The following CATSPERG variants were observed in gnomAD, a reference collection of about 807,000 sequenced individuals.
CATSPERG encodes the protein catsper channel auxiliary subunit gamma.
CATSPERG carries 115 observed loss-of-function variants against 145.0 expected under a neutral mutation model. The observed-to-expected ratio is 0.79, with a 90% CI of 0.68 to 0.93. The LOEUF (loss-of-function observed/expected upper bound fraction) is 0.93. Ranked by LOEUF, CATSPERG falls within the 40% of genes least tolerant of loss-of-function variation. The pLI is 0.00. For synonymous variants in CATSPERG, 588 were observed against 589.0 expected, an observed-to-expected ratio of 1.00 and a Z score of 0.02; for missense variants, 1,296 against 1,490.1, an observed-to-expected ratio of 0.87 and a Z score of 2.14.
Position 38,370,002 on chromosome 19 carries a change from T to C in CATSPERG, c.3051T>C (p.Tyr1017=). The change falls in exon 27 of 29, where the codon TAT becomes TAC. Residue 1017 remains tyrosine (Y), a synonymous_variant. Transcript: ENST00000409235. ...TCTGTCTGGAGAATGCCCCATGCTA[T>C]GACAATGTTCCCCAAGGCATCTTTG... ...EWLCLENAPC[Y]DNVPQGIFAP... 6.2e-7 allele frequency: 1 copy of C among 1,614,246 alleles called. No homozygotes were observed. Among genetic ancestry groups the C allele is most frequent in the African/African-American group, 1.3e-5 (1 of 75,068 alleles).
rs370488679 is a variant in CATSPERG at position 38,337,305 on chromosome 19, C to T, written c.71C>T (p.Ala24Val). The change falls in exon 2 of 29, where the codon GCC (alanine) becomes GTC (valine). Residue 24 changes from alanine (A) to valine (V), a missense_variant. Transcript: ENST00000409235. ...PRVRVVQVLW[A>V]LLAVLLASWR... ...GTCCGAGTCGTGCAGGTGCTGTGGG[C>T]CCTGCTGGCAGTGCTCCTGGCGTCG... 3.4e-5 allele frequency: 53 copies of T among 1,551,092 alleles called. No individual in the cohort carries two copies. Among genetic ancestry groups the T allele is most frequent in the Non-Finnish European group, 4.3e-5 (49 of 1,146,886 alleles).
At chr19:38,364,695 G>A (rs1035744585) in intron 20 of CATSPERG, among the ~76,000 whole-genome samples, 196 bp from the exon 21 acceptor site, 3 of 152,252 alleles carry the variant, frequency 2.0e-5, no homozygotes, top group African/African-American at 4.8e-5. Flanking sequence ...CGAGGCTGGC[G>A]GATCACTCGC....
Position 38,362,195 on chromosome 19 carries a change from G to T in CATSPERG, c.2095-15G>T. Reference sequence around the variant, plus strand: ...CGCTGCCCAATCCCTTCACGGTGCCGGGCGATCCCTGCAGCCGTACGCGGA... The same window carrying T: ...CGCTGCCCAATCCCTTCACGGTGCCTGGCGATCCCTGCAGCCGTACGCGGA... On this transcript the variant is annotated splice_polypyrimidine_tract_variant and intron_variant, in intron 17 of 28. Coordinates refer to ENST00000409235, the MANE Select transcript of CATSPERG (RefSeq NM_021185.5). 1.3e-6 allele frequency: 2 copies of T among 1,576,168 alleles called. No individual in the cohort carries two copies. Among genetic ancestry groups the T allele is most frequent in the East Asian group, 4.7e-5 (2 of 42,268 alleles).
chr19:38,339,159 C>T (rs1969895487), intron 3 of CATSPERG, among the ~76,000 whole-genome samples: 1 of 152,274 alleles, frequency 6.6e-6, no homozygotes, highest in African/African-American at 2.4e-5. Flanking sequence ...TTGCATTAAG[C>T]ACATGATTTA....
chr19:38,360,603 G>A lies in CATSPERG; in HGVS notation c.1723G>A (p.Glu575Lys). 1 of 1,614,216 alleles carries A rather than the reference G, an allele frequency of 6.2e-7. No individual in the cohort carries two copies. The highest frequency in any genetic ancestry group is 1.1e-5 in the South Asian group (1 of 91,090). ...ACAGTCCTCTCTCTACGCATCCAAT[G>A]AGACCATGCTGACCCTCTTCTACGA... ...MQQSSLYASN[E>K]TMLTLFYEDS... Residue 575 changes from glutamate to lysine, a missense_variant, in exon 15 of 29, where the codon GAG becomes AAG. By Grantham distance (56) the Glu-to-Lys change is moderately conservative. Transcript: ENST00000409235.
intron 8 of CATSPERG, 53 bp downstream of exon 8, chr19:38,352,485 C>CA: frequency 6.6e-7 from 1 of 1,523,480 alleles, no homozygotes; most frequent in Non-Finnish European, 8.9e-7. Flanking sequence ...TGGTGAACCC[C>CA]TCCACTGAAG....
rs1970469104 is a variant in CATSPERG, at chr19:38,367,349, C to T, written c.2770+37C>T. The T allele has an allele frequency of 1.9e-6, 3 of 1,595,176 alleles. No homozygotes were observed. In the East Asian group the frequency reaches 6.7e-5, roughly 36 times the overall value. The stretch of plus-strand genomic sequence containing the variant: ...GTCCCTTCCCCTGCACAGTTCACTG[C>T]CCTCTTGCCCCCACTACTTTGTGCT... On this transcript the variant is annotated intron_variant, in intron 23 of 28. Transcript: ENST00000409235.
Position 38,367,290 on chromosome 19 carries a change from G to T in CATSPERG, c.2748G>T (p.Met916Ile). The T allele has an allele frequency of 6.2e-7, 1 of 1,612,876 alleles. No homozygotes were observed. The highest frequency in any genetic ancestry group is 8.5e-7 in the Non-Finnish European group (1 of 1,179,916). ...YFDCVNVNPE[M>I]PCFLFRDIFY... ...ACTGCGTTAACGTGAACCCGGAGATGCCCTGCTTTCTCTTCCGGGACAGTG... is the reference window on the plus strand; with the variant it reads ...ACTGCGTTAACGTGAACCCGGAGATTCCCTGCTTTCTCTTCCGGGACAGTG... The change falls in exon 23 of 29, where the codon ATG becomes ATT. Residue 916 changes from methionine (M) to isoleucine (I), a missense_variant. Transcript: ENST00000409235.
chr19:38,346,533 C>T lies in CATSPERG; in HGVS notation c.753C>T (p.Ile251=). 1.3e-6 allele frequency: 2 copies of T among 1,551,652 alleles called. No individual in the cohort carries two copies. Among genetic ancestry groups the T allele is most frequent in the Non-Finnish European group, 1.7e-6 (2 of 1,146,934 alleles). ...WHTVDQSPVL[I]LGGIPNEKYV... The stretch of plus-strand genomic sequence containing the variant: ...CTGTGGACCAGTCACCTGTGCTTAT[C>T]CTGGGAGGCATTCCCAATGAGAAGT... The change falls in exon 7 of 29, where the codon ATC becomes ATT. Residue 251 remains isoleucine, a synonymous_variant. Coordinates refer to ENST00000409235, the MANE Select transcript of CATSPERG (RefSeq NM_021185.5).
rs1568377340 is a variant in CATSPERG at position 38,354,828 on chromosome 19, A to C, written c.1116A>C (p.Val372=). ...CCACGGGCAAGCATGAGGGTTATGTACACTTCGGGACCATCAGAGGTAAGG... is the reference window on the plus strand; with the variant it reads ...CCACGGGCAAGCATGAGGGTTATGTCCACTTCGGGACCATCAGAGGTAAGG... ...ALTTGKHEGY[V]HFGTIRDGQV... The change falls in exon 9 of 29, where the codon GTA becomes GTC. Residue 372 remains valine, a synonymous_variant. Coordinates refer to ENST00000409235, the MANE Select transcript of CATSPERG (RefSeq NM_021185.5). 1 of 1,614,128 alleles carries C rather than the reference A, an allele frequency of 6.2e-7. No individual in the cohort carries two copies. Among genetic ancestry groups the C allele is most frequent in the Non-Finnish European group, 8.5e-7 (1 of 1,180,006 alleles).
chr19:38,346,621 C>A lies in CATSPERG; in HGVS notation c.825+16C>A. The A allele has an allele frequency of 6.5e-7, 1 of 1,538,686 alleles. No individual in the cohort carries two copies. Among genetic ancestry groups the A allele is most frequent in the Non-Finnish European group, 8.8e-7 (1 of 1,136,536 alleles). The stretch of plus-strand genomic sequence containing the variant: ...TCTCGTGGAGGTGAACGGTGTGGGG[C>A]AGATGGTGGGCGGGGCGTCTTGGAG... On this transcript the variant is annotated intron_variant, in intron 7 of 28. Coordinates refer to ENST00000409235, the MANE Select transcript of CATSPERG (RefSeq NM_021185.5).
chr19:38,356,447 G>A (rs2145091991), intron 9 of CATSPERG, 37 bp from the exon 10 acceptor site: 1 of 1,607,804 alleles, frequency 6.2e-7, no homozygotes, highest in Admixed American at 1.7e-5. Flanking sequence ...AGACAGGAGG[G>A]AGAGGGCCTG....
intron 1 of CATSPERG, chr19:38,336,314 G>A: frequency 2.4e-6 from 1 of 419,242 alleles, no homozygotes; most frequent in Admixed American, 2.5e-5. Context: ...AGTTTTCATC[G>A]AGAAGGGGCA....
chr19:38,346,487 C>T lies in CATSPERG; in HGVS notation c.707C>T (p.Ser236Leu), dbSNP rs1379716221. The part of the protein sequence containing the change: ...NLMPQYFVGV[S>L]SRPLWHTVDQ... Reference sequence around the variant, plus strand: ...ATGCCCCAGTACTTTGTGGGTGTCTCATCGAGGCCCTTGTGGCACACTGTG... The same window carrying T: ...ATGCCCCAGTACTTTGTGGGTGTCTTATCGAGGCCCTTGTGGCACACTGTG... The change falls in exon 7 of 29, where the codon TCA (serine) becomes TTA (leucine). Residue 236 changes from serine (S) to leucine (L), a missense_variant. Transcript: ENST00000409235. 17 of 1,550,452 alleles carry T rather than the reference C, an allele frequency of 1.1e-5. No homozygotes were observed. The East Asian group carries it at 4.2e-4, about 38-fold the overall frequency.
chr19:38,358,658 C>A (rs930559627), intron 13 of CATSPERG, 97 bp downstream of exon 13: 1 of 1,458,926 alleles, frequency 6.9e-7, no homozygotes, highest in Non-Finnish European at 9.5e-7. Flanking sequence ...GCAAGTCTCA[C>A]CAAGCCTTCA....
chr19:38,339,958 G>T (rs1218434475), intron 3 of CATSPERG, among the ~76,000 whole-genome samples: 1 of 151,886 alleles, frequency 6.6e-6, no homozygotes, highest in East Asian at 1.9e-4. Flanking sequence ...AGGTTCAAGC[G>T]ATTCTCCTGC....
Position 38,370,851 on chromosome 19 carries a change from G to T in CATSPERG, c.*59G>T. 2 of 1,566,296 alleles carry T rather than the reference G, an allele frequency of 1.3e-6. No homozygotes were observed. The highest frequency in any genetic ancestry group is 2.3e-5 in the South Asian group (2 of 88,860). On this transcript the variant is annotated 3_prime_UTR_variant, in exon 29 of 29. Transcript: ENST00000409235. The stretch of plus-strand genomic sequence containing the variant: ...ACGCCTCTCTTATGAGGCCCATCTT[G>T]AAGATGCAACCTGTCACCCAGCCCA...
At chr19:38,358,082 C>T (rs775234075) in intron 11 of CATSPERG, 196 bp from the exon 12 acceptor site, 27 of 597,400 alleles carry the variant, frequency 4.5e-5, no homozygotes, top group Non-Finnish European at 7.8e-5. Flanking sequence ...CACACCACTG[C>T]ACTCCAGCCT....
At chr19:38,340,828 A>T (rs1398376393) in intron 3 of CATSPERG, among the ~76,000 whole-genome samples, 1 of 150,408 alleles carries the variant, frequency 6.6e-6, no homozygotes, top group Non-Finnish European at 1.5e-5. Flanking sequence ...TAAGGCTGGC[A>T]TGAAAGAATT....
Sources: allele counts gnomAD v4.1 joint callset (sites outside exome capture counted in the v4.1 genomes callset), GRCh38; gene constraint gnomAD v4.1.1; transcripts MANE v1.5; gene names NCBI Gene and HGNC (gene_info 2026-07-23, HGNC 2026-07-21).